The following IL16 variants were observed in gnomAD, a reference collection of about 807,000 sequenced individuals.
IL16 encodes the protein interleukin 16.
A neutral mutation model predicts 110.1 loss-of-function variants in IL16; 67 were observed. That is an observed-to-expected ratio of 0.61 (90% CI 0.50 to 0.75). The LOEUF is 0.75. IL16 is among the 30% of genes least tolerant of loss of function. The pLI is 0.00. For missense variants in IL16, 1,545 were observed against 1,655.0 expected, an observed-to-expected ratio of 0.93 and a Z score of 1.15; for synonymous variants, 689 against 662.9, an observed-to-expected ratio of 1.04 and a Z score of -0.61.
chr15:81,278,744 A>T, intron 6 of IL16, 73 bp from the exon 7 acceptor site: 1 of 977,692 alleles, frequency 1.0e-6, no homozygotes, highest in Non-Finnish European at 1.7e-6. Context: ...TGGGGAGACT[A>T]GAGTTAAAGG....
chr15:81,296,161 T>C (rs1899973269), intron 12 of IL16, among the ~76,000 whole-genome samples: 1 of 152,196 alleles, frequency 6.6e-6, no homozygotes, highest in African/African-American at 2.4e-5. Flanking sequence ...AGTACTTCTC[T>C]AGGAAGCCTT....
chr15:81,251,678 A>T (rs1428590154), intron 2 of IL16, among the ~76,000 whole-genome samples: 1 of 152,220 alleles, frequency 6.6e-6, no homozygotes, highest in Admixed American at 6.5e-5. Context: ...CTGCTTGTAG[A>T]CTAACTAGAT....
intron 5 of IL16, among the ~76,000 whole-genome samples, chr15:81,271,165 G>A (rs1204992307): frequency 2.6e-5 from 4 of 152,020 alleles, no homozygotes; most frequent in African/African-American, 9.7e-5. Context: ...ACTGGCTCAC[G>A]CCTATAATCC....
chr15:81,193,308 C>T (rs1160731469), upstream of IL16, among the ~76,000 whole-genome samples: 4 of 151,692 alleles, frequency 2.6e-5, no homozygotes, highest in African/African-American at 9.7e-5. Flanking sequence ...CTTTTTTTTG[C>T]CTCACTGAAT....
chr15:81,302,219 A>G (rs1266615357), intron 15 of IL16: 1 of 152,292 alleles, frequency 6.6e-6, no homozygotes, highest in Non-Finnish European at 1.5e-5. Flanking sequence ...AGGAGGCCTC[A>G]TAGCTGCAAT....
At chr15:81,285,068 C>G (rs1248591063) in intron 9 of IL16, among the ~76,000 whole-genome samples, 1 of 151,990 alleles carries the variant, frequency 6.6e-6, no homozygotes. Context: ...TATGTGACCC[C>G]GTGTTTCCTA....
At chr15:81,244,941 C>T (rs972400768) in intron 2 of IL16, among the ~76,000 whole-genome samples, 13 of 152,052 alleles carry the variant, frequency 8.5e-5, no homozygotes, top group African/African-American at 3.1e-4. Context: ...TTTCCTCTGT[C>T]CCCTGAGTTC....
chr15:81,258,251 G>A (rs1898019535), intron 2 of IL16, among the ~76,000 whole-genome samples: 1 of 152,044 alleles, frequency 6.6e-6, no homozygotes, highest in African/African-American at 2.4e-5. Flanking sequence ...AGTAAAAGTT[G>A]TCTCAAAATC....
At position 81,196,985 on chromosome 15, in the gene IL16, C is replaced by G. The variant is rs1056703392; in HGVS notation, c.-269C>G. 2 of 1,281,994 alleles carry G rather than the reference C, an allele frequency of 1.6e-6. No individual in the cohort carries two copies. Among genetic ancestry groups the G allele is most frequent in the Non-Finnish European group, 2.0e-6 (2 of 986,864 alleles). 79.4% of individuals were successfully genotyped at this position (1,281,994 alleles called of 1,614,324 possible). A position where few individuals can be genotyped will look rare whatever the true frequency, so the allele number is the denominator to read the frequency against. ...ATCTGACTCAAAGGCCGGCCTCCGT[C>G]TGAGAACTGAGCGTCCATTTCTCAA... is the stretch of plus-strand genomic sequence containing the variant. On this transcript the variant is annotated 5_prime_UTR_variant, in exon 1 of 19. Transcript: ENST00000683961.
intron 1 of IL16, 139 bp from the exon 2 acceptor site, chr15:81,225,160 A>C (rs1005859890): frequency 9.2e-6 from 6 of 654,720 alleles, no homozygotes; most frequent in African/African-American, 3.7e-5. Flanking sequence ...TGGAAGGGCC[A>C]GTGATCTTAA....
chr15:81,272,324 G>A (rs977181062), intron 5 of IL16, among the ~76,000 whole-genome samples: 2 of 152,218 alleles, frequency 1.3e-5, no homozygotes. Context: ...TGCAGGGGAA[G>A]CTGTGCCCAC....
chr15:81,195,250 G>C (rs545202354), upstream of IL16, among the ~76,000 whole-genome samples: 1 of 152,190 alleles, frequency 6.6e-6, no homozygotes, highest in Non-Finnish European at 1.5e-5. Flanking sequence ...GAGGGGGGCT[G>C]TGGGGCCCTC....
rs77874393 is a variant in IL16 at position 81,265,167 on chromosome 15, G to T, written c.422-492G>T. Among the ~76,000 whole-genome samples the T allele has an allele frequency of 4.7e-4, 72 of 152,290 alleles. No homozygotes were observed. In the East Asian group the frequency reaches 0.01, roughly 22 times the overall value. On this transcript the variant is annotated intron_variant, in intron 3 of 18. Coordinates refer to ENST00000683961, the MANE Select transcript of IL16 (RefSeq NM_172217.5). ...ATCCAAAGAATCAAGAGTTGTCTCC[G>T]TGTGTGTGTATCCCTGTGTGTGAGT... is the stretch of plus-strand genomic sequence containing the variant.
At position 81,311,519 on chromosome 15, in the gene IL16, C is replaced by G. The variant is rs182838259; in HGVS notation, c.*2721C>G. On this transcript the variant is annotated 3_prime_UTR_variant, in exon 19 of 19. Transcript: ENST00000683961. ...AACCTGATGCAGTCACGTGGAGGAG[C>G]AGTGCAGGCACAGTATGTCCCATAG... 2 of 152,346 alleles carry G rather than the reference C, an allele frequency of 1.3e-5. No individual in the cohort carries two copies. The highest frequency in any genetic ancestry group is 2.9e-5 in the Non-Finnish European group (2 of 68,044). 9.4% of individuals were successfully genotyped at this position (152,346 alleles called of 1,614,324 possible). A position where few individuals can be genotyped will look rare whatever the true frequency, so the allele number is the denominator to read the frequency against.
At chr15:81,205,365 G>C (rs1566993706) in intron 1 of IL16, among the ~76,000 whole-genome samples, 1 of 151,676 alleles carries the variant, frequency 6.6e-6, no homozygotes, top group Non-Finnish European at 1.5e-5. Flanking sequence ...CCCCTAAATA[G>C]TCAATCACTC....
rs757710856 is a variant in IL16 at position 81,225,558 on chromosome 15, G to A, written c.159G>A (p.Lys53=). ...TTGAGATTTCCTTGGCCCAGGGCAA[G>A]GAGGGAATTTTCCACTCATCTGTGC... ...DPFEISLAQG[K]EGIFHSSVQL... is the part of the protein sequence containing the mutation. Residue 53 remains lysine (K), a synonymous_variant, in exon 2 of 19, where the codon AAG becomes AAA. Coordinates refer to ENST00000683961, the MANE Select transcript of IL16 (RefSeq NM_172217.5). 3.1e-6 allele frequency: 5 copies of A among 1,614,160 alleles called. No individual in the cohort carries two copies. The Admixed American group carries it at 5.0e-5, about 16-fold the overall frequency.
At chr15:81,301,321 T>G (rs749529998) in intron 14 of IL16, 23 bp from the exon 15 acceptor site, 2 of 1,584,662 alleles carry the variant, frequency 1.3e-6, no homozygotes, top group South Asian at 1.2e-5. Flanking sequence ...GTTCATACTG[T>G]GTGTTGTTTC....
At position 81,296,838 on chromosome 15, in the gene IL16, C is replaced by T. The variant is rs954299847; in HGVS notation, c.1903-90C>T. ...TTCTCACTGAAAGCAGCTCAATATC[C>T]GTTTTTCCGTCCCAATCAAAGCGTG... On this transcript the variant is annotated intron_variant, in intron 12 of 18. Transcript: ENST00000683961. 22 of 1,183,396 alleles carry T rather than the reference C, an allele frequency of 1.9e-5. No individual in the cohort carries two copies. The African/African-American group carries it at 2.5e-4, about 13-fold the overall frequency. 73.3% of individuals were successfully genotyped at this position (1,183,396 alleles called of 1,614,324 possible).
At chr15:81,295,441 G>C in intron 12 of IL16, 1 of 1,289,086 alleles carries the variant, frequency 7.8e-7, no homozygotes. Flanking sequence ...GACTGCAGTT[G>C]GTATCACATG....
Sources: gnomAD v4.1 joint callset for allele counts (sites outside exome capture counted in the v4.1 genomes callset) on GRCh38, gnomAD v4.1.1 for gene constraint, MANE v1.5 for transcripts, NCBI Gene and HGNC (gene_info 2026-07-23, HGNC 2026-07-21) for gene names.